PCDHGB5: variants seen among roughly 807,000 people sequenced by gnomAD.
PCDHGB5 encodes the protein protocadherin gamma subfamily B, 5, also known as protocadherin gamma-B5.
In PCDHGB5, 48 loss-of-function variants were observed where a neutral mutation model predicts 62.9. The ratio of observed to expected loss-of-function variants is 0.76; its 90% CI spans 0.61 to 0.97. The LOEUF (loss-of-function observed/expected upper bound fraction) is 0.97, where lower values mean the gene tolerates loss of function less well. Among genes scored for constraint, PCDHGB5 ranks in the 50% least tolerant of loss-of-function variants. The probability of loss-of-function intolerance (pLI) is 0.00; values close to 1 mark genes in which losing one functional copy is unlikely to be tolerated. For missense variants in PCDHGB5, 1,118 were observed against 1,198.6 expected (o/e 0.93, Z 0.99); for synonymous variants, 474 against 511.2 (o/e 0.93, Z 0.98).
intron 1 of PCDHGB5, chr5:141,421,248 C>G: frequency 1.2e-6 from 2 of 1,604,936 alleles, no homozygotes; most frequent in Middle Eastern, 1.7e-4. Flanking sequence ...GGCTACAGCG[C>G]GGGGACCGCA....
chr5:141,487,529 A>G lies in PCDHGB5; in HGVS notation c.2398-7278A>G, dbSNP rs772843725. ...TGCACCCACTCGGAGTGATAGCTTCATGATGGTGAAGTCACCCAGTGCACC... is the reference window on the plus strand; with the variant it reads ...TGCACCCACTCGGAGTGATAGCTTCGTGATGGTGAAGTCACCCAGTGCACC... On this transcript the variant is annotated intron_variant, in intron 1 of 3. Coordinates refer to ENST00000617380, the MANE Select transcript of PCDHGB5 (RefSeq NM_018925.3). The surrounding 1 kb of genome is among the most constrained non-coding windows in gnomAD (Gnocchi z 5.0). The G allele has an allele frequency of 2.0e-5, 32 of 1,614,168 alleles. No individual in the cohort carries two copies. Among genetic ancestry groups the G allele is most frequent in the Non-Finnish European group, 2.5e-5 (29 of 1,180,040 alleles).
rs1404656316 is a variant in PCDHGB5 at position 141,486,648 on chromosome 5, A to G, written c.2398-8159A>G. 6.2e-7 allele frequency: 1 copy of G among 1,613,298 alleles called. No individual in the cohort carries two copies. The highest frequency in any genetic ancestry group is 8.5e-7 in the Non-Finnish European group (1 of 1,179,892). The stretch of plus-strand genomic sequence containing the variant: ...TCTGGCTTGAATGCGCTTATCTCCT[A>G]CTCACTCCTGGAGCCCAGGAATCGA... On this transcript the variant is annotated intron_variant, in intron 1 of 3. Coordinates refer to ENST00000617380, the MANE Select transcript of PCDHGB5 (RefSeq NM_018925.3). This position sits in a 1 kb window ranked among gnomAD's most constrained non-coding sequence, Gnocchi z 5.0.
At chr5:141,462,203 G>T (rs544238255) in intron 1 of PCDHGB5, among the ~76,000 whole-genome samples, 2 of 152,036 alleles carry the variant, frequency 1.3e-5, no homozygotes, top group African/African-American at 4.8e-5. Flanking sequence ...CAGGTGATCC[G>T]CCTGCCTCGG....
chr5:141,481,026 C>T (rs1315533254), intron 1 of PCDHGB5, among the ~76,000 whole-genome samples: 1 of 152,100 alleles, frequency 6.6e-6, no homozygotes, highest in African/African-American at 2.4e-5. Flanking sequence ...CCACTGCACT[C>T]CAGCCTGGGC....
At position 141,398,928 on chromosome 5, in the gene PCDHGB5, T is replaced by C; in HGVS notation, c.801T>C (p.Thr267=). The change falls in exon 1 of 4, where the codon ACT becomes ACC. Residue 267 remains threonine (T), a synonymous_variant. Coordinates refer to ENST00000617380, the MANE Select transcript of PCDHGB5 (RefSeq NM_018925.3). The part of the protein sequence containing the change: ...PGTTVLQVSA[T]DQDEGINSEI... ...CCACTGTGTTGCAAGTGTCAGCCACTGACCAAGACGAGGGCATCAACTCAG... is the reference window on the plus strand; with the variant it reads ...CCACTGTGTTGCAAGTGTCAGCCACCGACCAAGACGAGGGCATCAACTCAG... 2.5e-6 allele frequency: 4 copies of C among 1,613,962 alleles called. No homozygotes were observed. The highest frequency in any genetic ancestry group is 3.4e-6 in the Non-Finnish European group (4 of 1,179,888).
chr5:141,429,741 C>T (rs2097240604), intron 1 of PCDHGB5, among the ~76,000 whole-genome samples: 1 of 152,106 alleles, frequency 6.6e-6, no homozygotes, highest in Admixed American at 6.5e-5. Flanking sequence ...CCAGTTATTT[C>T]TTAGGGAGAA....
chr5:141,419,398 G>A (rs2096375486), intron 1 of PCDHGB5: 7 of 1,613,572 alleles, frequency 4.3e-6, no homozygotes, highest in Non-Finnish European at 5.1e-6. Flanking sequence ...AGAGCGGGGT[G>A]GTGTTCGCGC....
In PCDHGB5 at chr5:141,489,201, G is replaced by A. The variant is rs757039294; in HGVS notation, c.2398-5606G>A. ...AGCCCTGGGTCTACCTTGGAGACAG[G>A]ACAGCACAGACTTACTCTCCACAAA... On this transcript the variant is annotated intron_variant, in intron 1 of 3. Coordinates refer to ENST00000617380, the MANE Select transcript of PCDHGB5 (RefSeq NM_018925.3). This position sits in a 1 kb window ranked among gnomAD's most constrained non-coding sequence, Gnocchi z 4.5. The A allele has an allele frequency of 7.8e-6, 11 of 1,416,092 alleles. No individual in the cohort carries two copies. In the African/African-American group the frequency reaches 1.3e-4, roughly 17 times the overall value. 87.7% of individuals were successfully genotyped at this position (1,416,092 alleles called of 1,614,324 possible).
chr5:141,509,621 C>T (rs1179988828), intron 3 of PCDHGB5, among the ~76,000 whole-genome samples: 1 of 152,178 alleles, frequency 6.6e-6, no homozygotes, highest in African/African-American at 2.4e-5. Flanking sequence ...AAACAAGTTC[C>T]TGGGTGATGC....
At chr5:141,436,793 C>T (rs752376420) in intron 1 of PCDHGB5, among the ~76,000 whole-genome samples, 4 of 152,178 alleles carry the variant, frequency 2.6e-5, no homozygotes, top group Non-Finnish European at 5.9e-5. Flanking sequence ...TAAAACTGTT[C>T]TAAAATTTTT....
intron 1 of PCDHGB5, chr5:141,418,610 C>T: frequency 6.2e-7 from 1 of 1,614,054 alleles, no homozygotes; most frequent in Non-Finnish European, 8.5e-7. Context: ...CAGGGTTAGC[C>T]TTCGGGAAGA....
Position 141,398,074 on chromosome 5 carries a change from T to A in PCDHGB5, c.-54T>A. The A allele has an allele frequency of 6.3e-7, 1 of 1,590,802 alleles. No individual in the cohort carries two copies. The highest frequency in any genetic ancestry group is 8.6e-7 in the Non-Finnish European group (1 of 1,168,696). Reference sequence around the variant, plus strand: ...ATCCAAAAATCTACAATACAGAGGTTATTTGTAACCTGGCGTCTCCAGGCT... The same window carrying A: ...ATCCAAAAATCTACAATACAGAGGTAATTTGTAACCTGGCGTCTCCAGGCT... On this transcript the variant is annotated 5_prime_UTR_variant, in exon 1 of 4. Transcript: ENST00000617380.
At position 141,490,124 on chromosome 5, in the gene PCDHGB5, T is replaced by C. The variant is rs1216088470; in HGVS notation, c.2398-4683T>C. On this transcript the variant is annotated intron_variant, in intron 1 of 3. Transcript: ENST00000617380. The surrounding 1 kb of genome is among the most constrained non-coding windows in gnomAD (Gnocchi z 5.4). ...GAGGCAGTGCGGAACCTCTTTGGCCTAGACCCTAGCAGTGGGGCAATCCAT... is the reference window on the plus strand; with the variant it reads ...GAGGCAGTGCGGAACCTCTTTGGCCCAGACCCTAGCAGTGGGGCAATCCAT... 6.2e-7 allele frequency: 1 copy of C among 1,614,144 alleles called. No individual in the cohort carries two copies. Among genetic ancestry groups the C allele is most frequent in the Non-Finnish European group, 8.5e-7 (1 of 1,180,054 alleles).
intron 1 of PCDHGB5, chr5:141,419,497 G>A (rs1357823931): frequency 6.2e-7 from 1 of 1,612,390 alleles, no homozygotes; most frequent in South Asian, 1.1e-5. Context: ...GCGCCAATGT[G>A]AGCCTGCGCG....
chr5:141,463,266 T>G (rs933899476), intron 1 of PCDHGB5, among the ~76,000 whole-genome samples: 16 of 151,982 alleles, frequency 1.1e-4, no homozygotes, highest in African/African-American at 3.6e-4. Context: ...CTCTATCCCA[T>G]AAATTCTGGC....
Position 141,487,298 on chromosome 5 carries a change from G to T in PCDHGB5, c.2398-7509G>T. 6.2e-7 allele frequency: 1 copy of T among 1,614,072 alleles called. No individual in the cohort carries two copies. Among genetic ancestry groups the T allele is most frequent in the Non-Finnish European group, 8.5e-7 (1 of 1,180,018 alleles). ...TTGCTTTGTCTCCTTTGGCTCATTC[G>T]TGGCACTACTCTCTAAGTGTCTTCG... On this transcript the variant is annotated intron_variant, in intron 1 of 3. Coordinates refer to ENST00000617380, the MANE Select transcript of PCDHGB5 (RefSeq NM_018925.3). This position sits in a 1 kb window ranked among gnomAD's most constrained non-coding sequence, Gnocchi z 5.0.
intron 1 of PCDHGB5, among the ~76,000 whole-genome samples, chr5:141,407,446 C>T (rs1314408901): frequency 6.7e-6 from 1 of 149,410 alleles, no homozygotes. Context: ...AACCAGAACA[C>T]GAGGCTCACC....
chr5:141,457,428 C>G (rs72790053), intron 1 of PCDHGB5, among the ~76,000 whole-genome samples: 1,866 of 152,262 alleles, frequency 0.012, 18 homozygotes, highest in Non-Finnish European at 0.017. Context: ...TTTTTCCCCC[C>G]CACCAAGCTG....
chr5:141,492,691 C>G (rs2099743102), intron 1 of PCDHGB5, among the ~76,000 whole-genome samples: 1 of 152,274 alleles, frequency 6.6e-6, no homozygotes, highest in South Asian at 2.1e-4. Flanking sequence ...TCGGCGACCC[C>G]TCAACCCAGA....
Sources: allele counts gnomAD v4.1 joint callset (sites outside exome capture counted in the v4.1 genomes callset), GRCh38; gene constraint gnomAD v4.1.1; non-coding constraint Gnocchi (gnomAD v3.1); transcripts MANE v1.5; gene names NCBI Gene and HGNC (gene_info 2026-07-23, HGNC 2026-07-21).